Variants in FCHSD2 observed in about 807,000 individuals in gnomAD.
FCHSD2 encodes the protein F-BAR and double SH3 domains protein 2.
FCHSD2 carries 38 observed loss-of-function variants against 108.1 expected under a neutral mutation model. The observed-to-expected ratio is 0.35, with a 90% CI of 0.27 to 0.46. The LOEUF (loss-of-function observed/expected upper bound fraction) is 0.46, where lower values mean the gene tolerates loss of function less well. Ranked by LOEUF, FCHSD2 falls within the 20% of genes least tolerant of loss-of-function variation. FCHSD2 has a pLI of 1.00. For synonymous variants in FCHSD2, 279 were observed against 314.7 expected (o/e 0.89, Z 1.20); for missense variants, 751 against 897.8 (o/e 0.84, Z 2.09).
At chr11:72,935,548 C>G (rs1257679134) in intron 8 of FCHSD2, among the ~76,000 whole-genome samples, 4 of 152,144 alleles carry the variant, frequency 2.6e-5, no homozygotes, top group Non-Finnish European at 5.9e-5. Context: ...TGGAAGAAAA[C>G]AGACTGCCTC....
intron 13 of FCHSD2, among the ~76,000 whole-genome samples, chr11:72,853,576 G>A (rs1326215818): frequency 4.6e-5 from 7 of 151,864 alleles, no homozygotes; most frequent in South Asian, 2.1e-4. Flanking sequence ...CACCACACCC[G>A]GCTAATCTTT....
At chr11:73,138,677 C>T (rs1861179080) in intron 2 of FCHSD2, among the ~76,000 whole-genome samples, 1 of 147,786 alleles carries the variant, frequency 6.8e-6, no homozygotes, top group African/African-American at 2.5e-5. Context: ...GGTGCCATCT[C>T]GGCTCACTGC....
intron 8 of FCHSD2, among the ~76,000 whole-genome samples, chr11:72,946,053 C>G (rs1856512681): frequency 6.6e-6 from 1 of 152,118 alleles, no homozygotes; most frequent in South Asian, 2.1e-4. Context: ...CGAGTATATA[C>G]TCAAAGGATT....
chr11:73,011,044 G>A (rs934177645), intron 4 of FCHSD2, among the ~76,000 whole-genome samples: 1 of 152,160 alleles, frequency 6.6e-6, no homozygotes, highest in Admixed American at 6.5e-5. Context: ...AGCTGTGATT[G>A]TAGTGGCAGG....
rs1861264588 is a variant in FCHSD2 at position 73,142,125 on chromosome 11, G to C, written c.-248C>G. On this transcript the variant is annotated 5_prime_UTR_variant, in exon 1 of 20. Coordinates refer to ENST00000409418, the MANE Select transcript of FCHSD2 (RefSeq NM_014824.3). ...GGGCCCGGGCGGCCCGGGCGGCCCG[G>C]GGGTGTGTGAGGAAGGAGGCGGAGA... 1 of 376,054 alleles carries C rather than the reference G, an allele frequency of 2.7e-6. No homozygotes were observed. 23.3% of individuals were successfully genotyped at this position (376,054 alleles called of 1,614,324 possible).
Position 72,972,307 on chromosome 11 carries a change from C to A in FCHSD2, c.705+11781G>T, listed in dbSNP as rs150763783. 3.2e-3 allele frequency among the ~76,000 whole-genome samples: 485 copies of A among 152,260 alleles called. 6 individuals carry two copies. The highest frequency in any genetic ancestry group is 0.011 in the African/African-American group (471 of 41,544). The stretch of plus-strand genomic sequence containing the variant: ...TTTTATGAGTTTACCTCAAAAAACT[C>A]TAAAATTAAGATCATCTAGGTAAAG... On this transcript the variant is annotated intron_variant, in intron 8 of 19. Transcript: ENST00000409418.
At chr11:72,879,531 G>T (rs777594098) in intron 12 of FCHSD2, among the ~76,000 whole-genome samples, 35 of 152,010 alleles carry the variant, frequency 2.3e-4, no homozygotes, top group Non-Finnish European at 4.3e-4. Flanking sequence ...GAGGTTTAAA[G>T]AAAAACATGA....
At chr11:72,910,476 A>C (rs931322100) in intron 9 of FCHSD2, among the ~76,000 whole-genome samples, 23 of 152,164 alleles carry the variant, frequency 1.5e-4, no homozygotes, top group Non-Finnish European at 2.5e-4. Flanking sequence ...TTGTTCTGTA[A>C]TAAGAAAAAT....
intron 8 of FCHSD2, among the ~76,000 whole-genome samples, chr11:72,938,423 C>CAGA (rs1856347474): frequency 6.6e-6 from 1 of 152,130 alleles, no homozygotes; most frequent in African/African-American, 2.4e-5. Flanking sequence ...AGATTGAGAC[C>CAGA]AGAAGGGTCT....
intron 12 of FCHSD2, among the ~76,000 whole-genome samples, chr11:72,871,595 T>A (rs1854858980): frequency 3.7e-4 from 1 of 2,680 alleles, no homozygotes; most frequent in African/African-American, 9.2e-4. Context: ...ACAAACAAGT[T>A]GGAGCTGGTG....
At chr11:72,897,129 G>C (rs1028102765) in intron 10 of FCHSD2, among the ~76,000 whole-genome samples, 1 of 151,976 alleles carries the variant, frequency 6.6e-6, no homozygotes, top group Non-Finnish European at 1.5e-5. Context: ...CACCACGCCC[G>C]GCCGTCCTGT....
chr11:73,076,633 T>C (rs1401060853), intron 3 of FCHSD2, among the ~76,000 whole-genome samples: 1 of 152,226 alleles, frequency 6.6e-6, no homozygotes, highest in East Asian at 1.9e-4. Flanking sequence ...TAACTTTGTA[T>C]GTTTGCTAAA....
intron 9 of FCHSD2, among the ~76,000 whole-genome samples, chr11:72,919,181 A>C (rs757605631): frequency 6.6e-6 from 1 of 152,228 alleles, no homozygotes; most frequent in Non-Finnish European, 1.5e-5. Context: ...CAGCATAGCA[A>C]GAGCAGCATA....
chr11:73,051,305 ACT>A (rs1858893363), intron 3 of FCHSD2, among the ~76,000 whole-genome samples: 1 of 152,066 alleles, frequency 6.6e-6, no homozygotes, highest in Non-Finnish European at 1.5e-5. Flanking sequence ...ACAGAGTAAG[ACT>A]CTAGCTCTAA....
At position 73,003,975 on chromosome 11, in the gene FCHSD2, C is replaced by T. The variant is rs543583427; in HGVS notation, c.243-2841G>A. Reference sequence around the variant, plus strand: ...TACAAAAATTAGCCAGGCGTTGTGGCTGGCACCTGTAACCCCACCAGCTAC... The same window carrying T: ...TACAAAAATTAGCCAGGCGTTGTGGTTGGCACCTGTAACCCCACCAGCTAC... On this transcript the variant is annotated intron_variant, in intron 4 of 19. Transcript: ENST00000409418. Among the ~76,000 whole-genome samples, 22 of 151,270 alleles carry T rather than the reference C, an allele frequency of 1.5e-4. No individual in the cohort carries two copies. In the South Asian group the frequency reaches 4.0e-3, roughly 27 times the overall value.
intron 8 of FCHSD2, chr11:72,940,674 C>A: frequency 8.4e-7 from 1 of 1,191,392 alleles, no homozygotes; most frequent in Non-Finnish European, 1.2e-6. Flanking sequence ...AGCAAGGTTA[C>A]ATTATATATA....
At chr11:72,895,444 G>C (rs895547193) in intron 10 of FCHSD2, among the ~76,000 whole-genome samples, 1 of 152,178 alleles carries the variant, frequency 6.6e-6, no homozygotes, top group African/African-American at 2.4e-5. Context: ...TAGAGGCATG[G>C]TTAGATGGAA....
At chr11:72,848,460 TC>T (rs1160780625) in intron 14 of FCHSD2, among the ~76,000 whole-genome samples, 1 of 152,214 alleles carries the variant, frequency 6.6e-6, no homozygotes, top group Non-Finnish European at 1.5e-5. Context: ...GTAAAATTTC[TC>T]CCAATGATCC....
intron 11 of FCHSD2, among the ~76,000 whole-genome samples, chr11:72,888,262 T>C (rs1855239931): frequency 6.6e-6 from 1 of 152,202 alleles, no homozygotes; most frequent in African/African-American, 2.4e-5. Flanking sequence ...CTAGAGAAGA[T>C]AACATTTTAA....
Sources: gnomAD v4.1 joint callset for allele counts (sites outside exome capture counted in the v4.1 genomes callset) on GRCh38, gnomAD v4.1.1 for gene constraint, MANE v1.5 for transcripts, NCBI Gene and HGNC (gene_info 2026-07-23, HGNC 2026-07-21) for gene names.